The following CTNNBIP1 variants were observed in gnomAD, a reference collection of about 807,000 sequenced individuals.
CTNNBIP1 encodes beta-catenin-interacting protein 1.
A neutral mutation model predicts 11.8 loss-of-function variants in CTNNBIP1; 7 were observed. That is an observed-to-expected ratio of 0.60 (90% CI 0.34 to 1.12). The LOEUF is 1.12. CTNNBIP1 is among the 50% of genes most tolerant of loss of function. The pLI is 0.03. For synonymous variants in CTNNBIP1, 58 were observed against 43.9 expected (o/e 1.32, Z -1.26); for missense variants, 101 against 113.4 (o/e 0.89, Z 0.50).
intron 5 of CTNNBIP1, among the ~76,000 whole-genome samples, chr1:9,860,674 C>T (rs1194692405): frequency 6.6e-6 from 1 of 151,202 alleles, no homozygotes. Context: ...CAGCTCCCCA[C>T]AACCATGTGC....
At chr1:9,898,574 A>G (rs532498563) in intron 1 of CTNNBIP1, among the ~76,000 whole-genome samples, 3 of 152,372 alleles carry the variant, frequency 2.0e-5, no homozygotes, top group Admixed American at 6.5e-5. Flanking sequence ...GAAAATATGT[A>G]TAACACATAT....
At chr1:9,906,627 A>G (rs1047384252) in intron 1 of CTNNBIP1, among the ~76,000 whole-genome samples, 10 of 152,350 alleles carry the variant, frequency 6.6e-5, no homozygotes, top group African/African-American at 2.2e-4. Context: ...CTTGGTCAGC[A>G]CCAGCAGCAG....
chr1:9,890,465 T>C (rs1639278496), intron 1 of CTNNBIP1, among the ~76,000 whole-genome samples: 1 of 152,212 alleles, frequency 6.6e-6, no homozygotes, highest in Non-Finnish European at 1.5e-5. Flanking sequence ...GCTGGAGCCC[T>C]GGAACCTGGC....
intron 1 of CTNNBIP1, among the ~76,000 whole-genome samples, chr1:9,895,365 A>G (rs962798648): frequency 8.0e-5 from 12 of 150,770 alleles, no homozygotes; most frequent in African/African-American, 2.9e-4. Context: ...TGCCCAGCTA[A>G]TTTTTGTATT....
At chr1:9,907,601 G>A (rs185767964) in intron 1 of CTNNBIP1, among the ~76,000 whole-genome samples, 6 of 152,264 alleles carry the variant, frequency 3.9e-5, no homozygotes, top group Admixed American at 2.6e-4. Context: ...CAATACAACC[G>A]GATGTGGGAA....
At chr1:9,859,125 C>T (rs1040615235) in intron 5 of CTNNBIP1, among the ~76,000 whole-genome samples, 1 of 152,156 alleles carries the variant, frequency 6.6e-6, no homozygotes, top group African/African-American at 2.4e-5. Flanking sequence ...CCAACTGGTC[C>T]CCACTCCTAT....
Position 9,910,088 on chromosome 1 carries a change from C to T in CTNNBIP1, c.-144+7G>A, listed in dbSNP as rs1216695367. The T allele has an allele frequency of 6.8e-6, 1 of 146,832 alleles. No homozygotes were observed. The highest frequency in any genetic ancestry group is 1.5e-5 in the Non-Finnish European group (1 of 66,032). The allele number at this position is 146,832 out of a possible 1,614,324, so 9.1% of individuals were successfully genotyped here. A position where few individuals can be genotyped will look rare whatever the true frequency, so the allele number is the denominator to read the frequency against. On this transcript the variant is annotated splice_region_variant and intron_variant, in intron 1 of 5. Transcript: ENST00000377263. Reference sequence around the variant, plus strand: ...CGGTGCAGGCGCGGCCCGGCCTCGGCGCTTACCTGGGCCGCCCGACCCGGC... The same window carrying T: ...CGGTGCAGGCGCGGCCCGGCCTCGGTGCTTACCTGGGCCGCCCGACCCGGC...
rs1570585171 is a variant in CTNNBIP1, at chr1:9,883,532, C to G, written c.-110+173G>C. Among the ~76,000 whole-genome samples the G allele has an allele frequency of 6.6e-6, 1 of 152,196 alleles. No homozygotes were observed. The highest frequency in any genetic ancestry group is 1.5e-5 in the Non-Finnish European group (1 of 68,030). On this transcript the variant is annotated intron_variant, in intron 2 of 5. Transcript: ENST00000377263. The surrounding 1 kb of genome is among the most constrained non-coding windows in gnomAD (Gnocchi z 5.6). The stretch of plus-strand genomic sequence containing the variant: ...CCCCCATGCACATGCTCCAACAGGA[C>G]AGGGGCTGCTTCAGTAGCTGTAACA...
At chr1:9,853,857 G>A (rs891855335) in intron 5 of CTNNBIP1, among the ~76,000 whole-genome samples, 5 of 152,126 alleles carry the variant, frequency 3.3e-5, no homozygotes, top group African/African-American at 9.7e-5. Flanking sequence ...AACTACAGAT[G>A]AGTATCTCAC....
rs550405829 is a variant in CTNNBIP1 at position 9,865,327 on chromosome 1, G to A, written c.187+5860C>T. Among the ~76,000 whole-genome samples the A allele has an allele frequency of 1.3e-3, 202 of 152,220 alleles. 5 individuals are homozygous for A. The South Asian group carries it at 0.035, about 26-fold the overall frequency. ...TTAAAAATGGGTATTAAGGCCGGGC[G>A]CGGTGGCTCACGCCTGTAATCCCAG... is the stretch of plus-strand genomic sequence containing the variant. On this transcript the variant is annotated intron_variant, in intron 5 of 5. Coordinates refer to ENST00000377263, the MANE Select transcript of CTNNBIP1 (RefSeq NM_020248.3).
At chr1:9,885,337 G>A (rs1639164431) in intron 1 of CTNNBIP1, among the ~76,000 whole-genome samples, 1 of 152,140 alleles carries the variant, frequency 6.6e-6, no homozygotes, top group African/African-American at 2.4e-5. Context: ...GACTTTAAGA[G>A]GTTTTTCCAT....
intron 1 of CTNNBIP1, among the ~76,000 whole-genome samples, chr1:9,901,477 G>A (rs948091263): frequency 6.6e-5 from 10 of 152,318 alleles, no homozygotes; most frequent in Middle Eastern, 3.4e-3. Context: ...TAGGACTTCA[G>A]GGGTGGTAAC....
chr1:9,862,959 G>T (rs969590360), intron 5 of CTNNBIP1, among the ~76,000 whole-genome samples: 1 of 152,226 alleles, frequency 6.6e-6, no homozygotes, highest in Non-Finnish European at 1.5e-5. Context: ...AGGGCTTGAG[G>T]GGGGAAGTGT....
At chr1:9,887,523 T>C (rs933728705) in intron 1 of CTNNBIP1, among the ~76,000 whole-genome samples, 3 of 151,902 alleles carry the variant, frequency 2.0e-5, no homozygotes, top group African/African-American at 7.3e-5. Context: ...GCCAACATAG[T>C]AAAACCCTGT....
chr1:9,902,889 C>T (rs1426189117), intron 1 of CTNNBIP1, among the ~76,000 whole-genome samples: 1 of 152,168 alleles, frequency 6.6e-6, no homozygotes, highest in African/African-American at 2.4e-5. Flanking sequence ...CCTCAGCCTC[C>T]CGAGTAGCTG....
intron 5 of CTNNBIP1, among the ~76,000 whole-genome samples, chr1:9,854,741 A>G (rs978898976): frequency 6.6e-6 from 1 of 152,102 alleles, no homozygotes; most frequent in Non-Finnish European, 1.5e-5. Flanking sequence ...CAGTGGCATA[A>G]TCTTCACTGA....
intron 1 of CTNNBIP1, among the ~76,000 whole-genome samples, chr1:9,891,781 ATTTTTTTTTTTTTTTTTT>A (rs70998316): frequency 1.2e-5 from 1 of 81,410 alleles, no homozygotes; most frequent in East Asian, 3.8e-4. Context: ...ATCTCTTTAA[ATTTTTTTTTTTTTTTTTT>A]TTTTTTTTTT....
Position 9,897,981 on chromosome 1 carries a change from G to A in CTNNBIP1, c.-144+12114C>T, listed in dbSNP as rs1466416371. 2.0e-5 allele frequency among the ~76,000 whole-genome samples: 3 copies of A among 151,404 alleles called. No individual in the cohort carries two copies. The East Asian group carries it at 5.8e-4, about 30-fold the overall frequency. On this transcript the variant is annotated intron_variant, in intron 1 of 5. Coordinates refer to ENST00000377263, the MANE Select transcript of CTNNBIP1 (RefSeq NM_020248.3). ...TAAAAAATACAAAAATTAGCCGGGC[G>A]TGCTGGCACACGCCTGTAGTCCCAG...
chr1:9,880,206 C>T (rs1056435143), intron 2 of CTNNBIP1, among the ~76,000 whole-genome samples: 1 of 151,880 alleles, frequency 6.6e-6, no homozygotes, highest in Non-Finnish European at 1.5e-5. Context: ...TCAACTCCCA[C>T]TTATGAGTGA....
Sources: allele counts gnomAD v4.1 joint callset (sites outside exome capture counted in the v4.1 genomes callset), GRCh38; gene constraint gnomAD v4.1.1; non-coding constraint Gnocchi (gnomAD v3.1); transcripts MANE v1.5; gene names NCBI Gene and HGNC (gene_info 2026-07-23, HGNC 2026-07-21).